Variants in BRINP3 observed in about 807,000 individuals in gnomAD.
The protein encoded by BRINP3 is BMP/retinoic acid-inducible neural-specific protein 3.
A neutral mutation model predicts 71.0 loss-of-function variants in BRINP3; 19 were observed. The ratio of observed to expected loss-of-function variants is 0.27; its 90% confidence interval spans 0.19 to 0.39. BRINP3 has a LOEUF of 0.39. Among genes scored for constraint, BRINP3 ranks in the 10% least tolerant of loss-of-function variants. The pLI is 1.00. For synonymous variants in BRINP3, 380 were observed against 337.7 expected (o/e 1.13, Z -1.37); for missense variants, 959 against 940.8 (o/e 1.02, Z -0.25).
At chr1:190,277,391 A>C (rs1662677110) in intron 3 of BRINP3, among the ~76,000 whole-genome samples, 1 of 151,312 alleles carries the variant, frequency 6.6e-6, no homozygotes. Flanking sequence ...AGGAACTCAC[A>C]GGTTTCCTGG....
chr1:190,420,623 T>A (rs918964859), intron 2 of BRINP3, among the ~76,000 whole-genome samples: 1 of 151,928 alleles, frequency 6.6e-6, no homozygotes, highest in Non-Finnish European at 1.5e-5. Context: ...TTTTGAAAAC[T>A]TTCCGTTTGG....
chr1:190,121,843 A>G (rs528422556), intron 7 of BRINP3, among the ~76,000 whole-genome samples: 19 of 151,938 alleles, frequency 1.3e-4, no homozygotes, highest in Admixed American at 8.5e-4. Flanking sequence ...TAAAATAGAA[A>G]AAAAGCAAAT....
At chr1:190,232,242 T>G (rs1352278158) in intron 5 of BRINP3, among the ~76,000 whole-genome samples, 1 of 151,998 alleles carries the variant, frequency 6.6e-6, no homozygotes, top group African/African-American at 2.4e-5. Flanking sequence ...GATTCCAGTG[T>G]TTTCAATTGC....
chr1:190,427,771 G>A (rs1352632877), intron 2 of BRINP3, among the ~76,000 whole-genome samples: 3 of 151,478 alleles, frequency 2.0e-5, no homozygotes, highest in African/African-American at 4.8e-5. Context: ...AGAGGTACAG[G>A]TGCCAGTTTC....
At chr1:190,104,072 T>G (rs1416799329) in intron 7 of BRINP3, among the ~76,000 whole-genome samples, 1 of 152,080 alleles carries the variant, frequency 6.6e-6, no homozygotes, top group African/African-American at 2.4e-5. Flanking sequence ...ATATTATTTT[T>G]TAAATATGTG....
intron 4 of BRINP3, among the ~76,000 whole-genome samples, chr1:190,239,990 T>A (rs1470566149): frequency 6.6e-6 from 1 of 151,676 alleles, no homozygotes; most frequent in African/African-American, 2.4e-5. Flanking sequence ...TACGTCATTT[T>A]TTTTTTATTT....
chr1:190,099,279 C>A, intron 7 of BRINP3, 145 bp from the exon 8 acceptor site: 1 of 700,346 alleles, frequency 1.4e-6, no homozygotes. Context: ...TCATAGAGCT[C>A]ATAATTAGAC....
intron 7 of BRINP3, among the ~76,000 whole-genome samples, chr1:190,150,055 T>C (rs574149797): frequency 6.6e-6 from 1 of 152,274 alleles, no homozygotes; most frequent in South Asian, 2.1e-4. Flanking sequence ...CTTCACATTT[T>C]TTTTCAGTGT....
At chr1:190,321,534 A>C (rs1483992692) in intron 2 of BRINP3, among the ~76,000 whole-genome samples, 1 of 152,126 alleles carries the variant, frequency 6.6e-6, no homozygotes, top group African/African-American at 2.4e-5. Flanking sequence ...TCAATGTAAT[A>C]AATGTTTTAT....
At chr1:190,165,448 T>G (rs1348891941) in intron 6 of BRINP3, among the ~76,000 whole-genome samples, 6 of 103,500 alleles carry the variant, frequency 5.8e-5, no homozygotes, top group Admixed American at 9.5e-5. Context: ...TGGCTGTTTT[T>G]TTTTTTTTTT....
intron 7 of BRINP3, among the ~76,000 whole-genome samples, chr1:190,142,968 A>C (rs1655583090): frequency 6.6e-6 from 1 of 152,310 alleles, no homozygotes; most frequent in Non-Finnish European, 1.5e-5. Flanking sequence ...TCCAGATATT[A>C]GAATTTTGGC....
At chr1:190,344,350 T>C (rs1188901998) in intron 2 of BRINP3, among the ~76,000 whole-genome samples, 1 of 151,848 alleles carries the variant, frequency 6.6e-6, no homozygotes, top group Non-Finnish European at 1.5e-5. Context: ...GGTCAAATAG[T>C]TAGAAAGTAC....
chr1:190,313,365 G>T (rs74405215), intron 2 of BRINP3, among the ~76,000 whole-genome samples: 2,389 of 152,084 alleles, frequency 0.016, 60 homozygotes, highest in African/African-American at 0.054. Context: ...ACAGGAAGAA[G>T]AAAGGAAAGC....
At chr1:190,293,631 A>T (rs1442942112) in intron 2 of BRINP3, among the ~76,000 whole-genome samples, 1 of 152,132 alleles carries the variant, frequency 6.6e-6, no homozygotes, top group Non-Finnish European at 1.5e-5. Flanking sequence ...GAAGTCCCCT[A>T]TTATCATTGC....
At chr1:190,198,872 C>T (rs1370207505) in intron 6 of BRINP3, among the ~76,000 whole-genome samples, 2 of 152,164 alleles carry the variant, frequency 1.3e-5, no homozygotes, top group South Asian at 2.1e-4. Flanking sequence ...TCCAAAGTCA[C>T]TTCCACATTT....
At chr1:190,233,718 C>G (rs1269062106) in intron 5 of BRINP3, among the ~76,000 whole-genome samples, 1 of 152,072 alleles carries the variant, frequency 6.6e-6, no homozygotes, top group Non-Finnish European at 1.5e-5. Flanking sequence ...AGTGTTTAAA[C>G]GTGTGTATTC....
chr1:190,350,762 T>C (rs1285510547), intron 2 of BRINP3, among the ~76,000 whole-genome samples: 3 of 151,738 alleles, frequency 2.0e-5, no homozygotes, highest in African/African-American at 7.3e-5. Context: ...CCAGCATTCA[T>C]TATGTTCCCC....
intron 2 of BRINP3, among the ~76,000 whole-genome samples, chr1:190,286,372 A>G (rs1663426692): frequency 6.6e-6 from 1 of 152,220 alleles, no homozygotes; most frequent in African/African-American, 2.4e-5. Context: ...CTTTCTTATT[A>G]GCATTTAAAT....
At chr1:190,475,866 C>G (rs1449182448) in intron 1 of BRINP3, 1 of 152,074 alleles carries the variant, frequency 6.6e-6, no homozygotes, top group Non-Finnish European at 1.5e-5. Flanking sequence ...TCCCTCCACC[C>G]TTGCGCAACA....
Sources: allele counts gnomAD v4.1 joint callset (sites outside exome capture counted in the v4.1 genomes callset), GRCh38; gene constraint gnomAD v4.1.1; transcripts MANE v1.5; gene names NCBI Gene and HGNC (gene_info 2026-07-23, HGNC 2026-07-21).